TNFSF4: variants seen among roughly 807,000 people sequenced by gnomAD.
TNFSF4 encodes the protein tumor necrosis factor ligand superfamily member 4.
TNFSF4 carries 4 observed loss-of-function variants against 7.3 expected under a neutral mutation model. The ratio of observed to expected loss-of-function variants is 0.55; its 90% CI spans 0.27 to 1.25. The LOEUF (loss-of-function observed/expected upper bound fraction) is 1.25, where lower values mean the gene tolerates loss of function less well. Among genes scored for constraint, TNFSF4 ranks in the 50% most tolerant of loss-of-function variants. The pLI, the probability that TNFSF4 is intolerant of heterozygous loss-of-function variation, is 0.12. For synonymous variants in TNFSF4, 76 were observed against 83.7 expected, an observed-to-expected ratio of 0.91 and a Z score of 0.50; for missense variants, 181 against 208.8, an observed-to-expected ratio of 0.87 and a Z score of 0.82.
At chr1:173,389,212 A>T in the TNFSF4 span, among the ~76,000 whole-genome samples, 1 of 152,180 alleles carries the variant, frequency 6.6e-6, no homozygotes, top group Non-Finnish European at 1.5e-5. Context: ...TCCAGATATC[A>T]CTGAGGCATT....
At chr1:173,375,548 AG>A in the TNFSF4 span, among the ~76,000 whole-genome samples, 1 of 152,122 alleles carries the variant, frequency 6.6e-6, no homozygotes, top group Non-Finnish European at 1.5e-5. Flanking sequence ...CTCACCAATC[AG>A]CACTCTGTAG....
the TNFSF4 span, among the ~76,000 whole-genome samples, chr1:173,277,376 G>C: frequency 6.6e-6 from 1 of 152,266 alleles, no homozygotes; most frequent in African/African-American, 2.4e-5. Flanking sequence ...AGAGATTAGA[G>C]TTCTGCTGTG....
At chr1:173,178,732 A>C (rs1648997047), downstream of TNFSF4, among the ~76,000 whole-genome samples, 1 of 152,120 alleles carries the variant, frequency 6.6e-6, no homozygotes, top group Non-Finnish European at 1.5e-5. Context: ...ATGACCCCCA[A>C]AAATATGTAT....
At chr1:173,345,495 A>G in the TNFSF4 span, among the ~76,000 whole-genome samples, 2 of 152,220 alleles carry the variant, frequency 1.3e-5, no homozygotes, top group Non-Finnish European at 2.9e-5. Context: ...GCTGGGGGTC[A>G]GTAGATAGAA....
At chr1:173,433,807 TC>T in the TNFSF4 span, among the ~76,000 whole-genome samples, 1 of 152,194 alleles carries the variant, frequency 6.6e-6, no homozygotes, top group Admixed American at 6.5e-5. Context: ...TACATTGAAG[TC>T]CTATCTCCCC....
At chr1:173,283,296 C>T in the TNFSF4 span, among the ~76,000 whole-genome samples, 1 of 152,072 alleles carries the variant, frequency 6.6e-6, no homozygotes, top group African/African-American at 2.4e-5. Flanking sequence ...TCCTTTCCCC[C>T]CCCAAAAAAG....
In TNFSF4 at chr1:173,186,193, C is replaced by G. The variant is rs755361095; in HGVS notation, c.*323G>C. Reference sequence around the variant, plus strand: ...GACATAAGTTTATTATGACAATTGCCTGACCAATAGAAACAATGCATCTTG... The same window carrying G: ...GACATAAGTTTATTATGACAATTGCGTGACCAATAGAAACAATGCATCTTG... On this transcript the variant is annotated 3_prime_UTR_variant, in exon 3 of 3. Transcript: ENST00000281834. The G allele has an allele frequency of 9.9e-5, 23 of 232,930 alleles. No individual in the cohort carries two copies. Among genetic ancestry groups the G allele is most frequent in the Non-Finnish European group, 1.8e-4 (21 of 118,678 alleles). The allele number at this position is 232,930 out of a possible 1,614,324, so 14.4% of individuals were successfully genotyped here. A position where few individuals can be genotyped will look rare whatever the true frequency, so the allele number is the denominator to read the frequency against.
At chr1:173,377,892 CCTCAGGGTA>C in the TNFSF4 span, among the ~76,000 whole-genome samples, 1 of 152,206 alleles carries the variant, frequency 6.6e-6, no homozygotes, top group Non-Finnish European at 1.5e-5. Context: ...CCCTCCCCTC[CCTCAGGGTA>C]CGGCCCTCCA....
At chr1:173,260,523 C>T in the TNFSF4 span, among the ~76,000 whole-genome samples, 2 of 152,074 alleles carry the variant, frequency 1.3e-5, no homozygotes, top group Non-Finnish European at 2.9e-5. Flanking sequence ...GGCTAAATAT[C>T]CCAATTAAAA....
the TNFSF4 span, among the ~76,000 whole-genome samples, chr1:173,318,839 C>T: frequency 6.6e-6 from 1 of 152,178 alleles, no homozygotes; most frequent in African/African-American, 2.4e-5. Flanking sequence ...GTGATTTCAG[C>T]ATTTCCAACT....
chr1:173,397,554 TG>T, the TNFSF4 span, among the ~76,000 whole-genome samples: 1 of 152,192 alleles, frequency 6.6e-6, no homozygotes, highest in African/African-American at 2.4e-5. Flanking sequence ...CATCTCATAG[TG>T]GGCCCTGAAC....
the TNFSF4 span, among the ~76,000 whole-genome samples, chr1:173,232,817 G>C: frequency 1.3e-5 from 2 of 152,140 alleles, no homozygotes; most frequent in African/African-American, 4.8e-5. Flanking sequence ...CAGGGATGAG[G>C]CCCACTTGAT....
chr1:173,435,749 T>C, the TNFSF4 span, among the ~76,000 whole-genome samples: 8 of 152,226 alleles, frequency 5.3e-5, no homozygotes, highest in African/African-American at 1.9e-4. Context: ...CTGAGGAAAG[T>C]TTTTTAAAGA....
chr1:173,442,351 C>T, the TNFSF4 span, among the ~76,000 whole-genome samples: 1 of 152,004 alleles, frequency 6.6e-6, no homozygotes, highest in Non-Finnish European at 1.5e-5. Flanking sequence ...TCCAAGTGAT[C>T]CTGCTCCCCC....
the TNFSF4 span, among the ~76,000 whole-genome samples, chr1:173,321,591 C>T: frequency 6.6e-6 from 1 of 151,772 alleles, no homozygotes; most frequent in South Asian, 2.1e-4. Flanking sequence ...TGACAAAGGT[C>T]TAATATACAG....
chr1:173,435,423 G>A, the TNFSF4 span, among the ~76,000 whole-genome samples: 1 of 152,146 alleles, frequency 6.6e-6, no homozygotes, highest in African/African-American at 2.4e-5. Flanking sequence ...TGTTAAATGG[G>A]ATCATAAAGG....
chr1:173,435,772 T>A, the TNFSF4 span, among the ~76,000 whole-genome samples: 1 of 152,202 alleles, frequency 6.6e-6, no homozygotes, highest in East Asian at 1.9e-4. Context: ...AATAGTTGCT[T>A]ATGAAAGAAA....
chr1:173,243,046 A>G, the TNFSF4 span, among the ~76,000 whole-genome samples: 1 of 133,822 alleles, frequency 7.5e-6, no homozygotes, highest in African/African-American at 2.8e-5. Flanking sequence ...AGCTTGTGGC[A>G]CATTCCACAT....
chr1:173,223,299 A>G, the TNFSF4 span, among the ~76,000 whole-genome samples: 61 of 152,252 alleles, frequency 4.0e-4, no homozygotes, highest in Non-Finnish European at 8.8e-5. Flanking sequence ...TATTATCTGG[A>G]GTTTCATTCT....
Sources: allele counts gnomAD v4.1 joint callset (sites outside exome capture counted in the v4.1 genomes callset), GRCh38; gene constraint gnomAD v4.1.1; transcripts MANE v1.5; gene names NCBI Gene and HGNC (gene_info 2026-07-23, HGNC 2026-07-21).